Variants in EI24 observed in about 807,000 individuals in gnomAD.
The protein encoded by EI24 is EI24 autophagy associated transmembrane protein, also known as etoposide-induced protein 2.4 homolog.
A neutral mutation model predicts 48.6 loss-of-function variants in EI24; 21 were observed. The ratio of observed to expected loss-of-function variants is 0.43; its 90% CI spans 0.31 to 0.62. EI24 has a LOEUF of 0.62. EI24 is among the 20% of genes least tolerant of loss of function. The probability of loss-of-function intolerance (pLI) is 0.10; values close to 1 mark genes in which losing one functional copy is unlikely to be tolerated. For missense variants in EI24, 280 were observed against 410.5 expected, an observed-to-expected ratio of 0.68 and a Z score of 2.75; for synonymous variants, 114 against 145.5, an observed-to-expected ratio of 0.78 and a Z score of 1.56.
rs1163176809 is a variant in EI24, at chr11:125,570,106, T to C, written c.-71+533T>C. On this transcript the variant is annotated intron_variant, in intron 1 of 10. Transcript: ENST00000278903. ...TTTAATGGCATTTGTATTTCCAGGT[T>C]TGAGAGGTTATTTGTCCATGGGATG... The C allele has an allele frequency of 3.3e-5, 5 of 152,372 alleles. No homozygotes were observed. In the East Asian group the frequency reaches 9.6e-4, roughly 29 times the overall value. 9.4% of individuals were successfully genotyped at this position (152,372 alleles called of 1,614,324 possible).
intron 4 of EI24, 101 bp downstream of exon 4, chr11:125,576,416 CATCTGCTG>C: frequency 9.6e-7 from 1 of 1,044,856 alleles, no homozygotes; most frequent in Non-Finnish European, 1.5e-6. Context: ...AAATAGTTTT[CATCTGCTG>C]ATGTACACTT....
At chr11:125,575,192 A>G (rs902039047) in intron 2 of EI24, 71 bp from the exon 3 acceptor site, 1 of 1,388,226 alleles carries the variant, frequency 7.2e-7, no homozygotes, top group Non-Finnish European at 9.7e-7. Flanking sequence ...GAGTCACTGC[A>G]CTGTAGCTTG....
In EI24 at chr11:125,583,823, T is replaced by G. The variant is rs1939113852; in HGVS notation, c.*140T>G. On this transcript the variant is annotated 3_prime_UTR_variant, in exon 11 of 11. Coordinates refer to ENST00000278903, the MANE Select transcript of EI24 (RefSeq NM_004879.5). ...GCGTATTCCCTTCTCTCTGAGGAAT[T>G]GAAATTTTTGTCTCTGGTGCACGTA... is the stretch of plus-strand genomic sequence containing the variant. The G allele has an allele frequency of 8.2e-7, 1 of 1,218,210 alleles. No individual in the cohort carries two copies. Among genetic ancestry groups the G allele is most frequent in the Non-Finnish European group, 1.1e-6 (1 of 878,608 alleles). The allele number at this position is 1,218,210 out of a possible 1,614,324, so 75.5% of individuals were successfully genotyped here.
rs1177483527 is a variant in EI24 at position 125,584,612 on chromosome 11, G to A, written c.*929G>A. 2 of 152,582 alleles carry A rather than the reference G, an allele frequency of 1.3e-5. No individual in the cohort carries two copies. The highest frequency in any genetic ancestry group is 1.5e-5 in the Non-Finnish European group (1 of 68,040). The allele number at this position is 152,582 out of a possible 1,614,324, so 9.5% of individuals were successfully genotyped here. A position where few individuals can be genotyped will look rare whatever the true frequency, so the allele number is the denominator to read the frequency against. On this transcript the variant is annotated 3_prime_UTR_variant, in exon 11 of 11. Transcript: ENST00000278903. ...TTCCTGTCATTTTGAGAGACTAAAT[G>A]TGGGGGGCAGATGTCAAAATACCTG... is the stretch of plus-strand genomic sequence containing the variant.
Position 125,578,243 on chromosome 11 carries a change from G to T in EI24, c.427G>T (p.Ala143Ser). ...GTTTGTGCTTAGCAAAGTGGTGAAT[G>T]CCATTTGGTTTCAGGTAGGTCCAGG... ...PLFVLSKVVN[A>S]IWFQDIADLA... Residue 143 changes from alanine to serine, a missense_variant, in exon 6 of 11, where the codon GCC becomes TCC. Coordinates refer to ENST00000278903, the MANE Select transcript of EI24 (RefSeq NM_004879.5). 1 of 1,613,958 alleles carries T rather than the reference G, an allele frequency of 6.2e-7. No homozygotes were observed. The highest frequency in any genetic ancestry group is 1.1e-5 in the South Asian group (1 of 91,086).
In EI24 at chr11:125,575,249, A is replaced by G. The variant is rs1164663038; in HGVS notation, c.43-14A>G. On this transcript the variant is annotated splice_polypyrimidine_tract_variant and intron_variant, in intron 2 of 10. Coordinates refer to ENST00000278903, the MANE Select transcript of EI24 (RefSeq NM_004879.5). ...CTCAAATAATAATAATAATAATGAT[A>G]GCCTTTTCTATAGGGAATCAAAGAC... 4 of 1,532,740 alleles carry G rather than the reference A, an allele frequency of 2.6e-6. No homozygotes were observed. Among genetic ancestry groups the G allele is most frequent in the Non-Finnish European group, 3.5e-6 (4 of 1,135,028 alleles). The allele number at this position is 1,532,740 out of a possible 1,614,324, so 94.9% of individuals were successfully genotyped here. A position where few individuals can be genotyped will look rare whatever the true frequency, so the allele number is the denominator to read the frequency against.
intron 1 of EI24, among the ~76,000 whole-genome samples, chr11:125,571,003 C>T (rs1047572535): frequency 1.3e-5 from 2 of 152,120 alleles, no homozygotes; most frequent in Non-Finnish European, 2.9e-5. Context: ...GACTTCTATC[C>T]GAAGTGAGCC....
chr11:125,575,310 T>A lies in EI24; in HGVS notation c.90T>A (p.Asp30Glu), dbSNP rs1938693575. ...IWGICTISKL[D>E]ARIQQKREEQ... ...GTATTTGTACCATCTCAAAGCTAGA[T>A]GCTCGAATCCAGCAAAAGAGAGAGG... The change falls in exon 3 of 11, where the codon GAT becomes GAA. Residue 30 changes from aspartate (D) to glutamate (E), a missense_variant. Asp to Glu is a conservative substitution (Grantham distance 45). Coordinates refer to ENST00000278903, the MANE Select transcript of EI24 (RefSeq NM_004879.5). 5 of 1,559,896 alleles carry A rather than the reference T, an allele frequency of 3.2e-6. No homozygotes were observed. Among genetic ancestry groups the A allele is most frequent in the Non-Finnish European group, 4.3e-6 (5 of 1,151,984 alleles).
chr11:125,580,725 T>A (rs907904931), intron 8 of EI24: 1 of 156,368 alleles, frequency 6.4e-6, no homozygotes, highest in African/African-American at 2.4e-5. Context: ...CTAAGAAACT[T>A]TGCATGCTTT....
At position 125,580,183 on chromosome 11, in the gene EI24, G is replaced by A. The variant is rs1938935854; in HGVS notation, c.652G>A (p.Glu218Lys). ...CCTTCTCTACTCACTGTACTGCTTT[G>A]AATATCGTTGGTTCAATAAAGGTAA... ...MSLLYSLYCF[E>K]YRWFNKGIEM... is the part of the protein sequence containing the mutation. The change falls in exon 8 of 11, where the codon GAA becomes AAA. Residue 218 changes from glutamate (E) to lysine (K), a missense_variant. Glu to Lys is a moderately conservative substitution (Grantham distance 56). This residue lies in a region of EI24 where 204 missense variants were observed against 294.1 expected (regional missense o/e 0.69). Coordinates refer to ENST00000278903, the MANE Select transcript of EI24 (RefSeq NM_004879.5). 3 of 1,613,014 alleles carry A rather than the reference G, an allele frequency of 1.9e-6. No individual in the cohort carries two copies.
intron 4 of EI24, among the ~76,000 whole-genome samples, chr11:125,577,147 A>C (rs1938781502): frequency 1.3e-5 from 2 of 152,132 alleles, no homozygotes. Context: ...GCTGGAGTGC[A>C]GTGGCATGAT....
intron 2 of EI24, 36 bp from the exon 3 acceptor site, chr11:125,575,227 A>AAAT (rs753141659): frequency 7.0e-5 from 104 of 1,491,446 alleles, no homozygotes; most frequent in East Asian, 6.0e-4. Context: ...ACCCTGTCTC[A>AAAT]AATAATAATA....
At position 125,584,011 on chromosome 11, in the gene EI24, T is replaced by C; in HGVS notation, c.*328T>C. The C allele has an allele frequency of 3.7e-6, 1 of 273,098 alleles. No homozygotes were observed. Among genetic ancestry groups the C allele is most frequent in the East Asian group, 1.0e-4 (1 of 9,734 alleles). 16.9% of individuals were successfully genotyped at this position (273,098 alleles called of 1,614,324 possible). A position where few individuals can be genotyped will look rare whatever the true frequency, so the allele number is the denominator to read the frequency against. Reference sequence around the variant, plus strand: ...TCCCTGTGCCATTTACCCTTCCACCTTTCCATCCTGCCTTCTACCACCCTT... The same window carrying C: ...TCCCTGTGCCATTTACCCTTCCACCCTTCCATCCTGCCTTCTACCACCCTT... On this transcript the variant is annotated 3_prime_UTR_variant, in exon 11 of 11. Transcript: ENST00000278903.
At chr11:125,569,791 ACC>A (rs1938464647) in intron 1 of EI24, 3 of 278,338 alleles carry the variant, frequency 1.1e-5, no homozygotes, top group Non-Finnish European at 2.0e-5. Context: ...TCCCTGTGTG[ACC>A]CGGAGCGTGC....
intron 4 of EI24, among the ~76,000 whole-genome samples, chr11:125,577,046 A>G (rs1486571947): frequency 2.6e-5 from 4 of 152,124 alleles, no homozygotes; most frequent in Non-Finnish European, 5.9e-5. Flanking sequence ...ATAGAAATGG[A>G]TCCAGTTTTG....
At chr11:125,577,600 G>T (rs772396766) in intron 5 of EI24, 30 bp downstream of exon 5, 1 of 1,586,176 alleles carries the variant, frequency 6.3e-7, no homozygotes, top group African/African-American at 1.3e-5. Context: ...CTTGTCTGTT[G>T]GGGACAGAGT....
At chr11:125,580,056 G>A (rs1226431267) in intron 7 of EI24, 37 bp from the exon 8 acceptor site, 1 of 1,519,062 alleles carries the variant, frequency 6.6e-7, no homozygotes, top group Non-Finnish European at 9.1e-7. Flanking sequence ...AGGTTTCCGA[G>A]GCTTTGGGAT....
chr11:125,570,288 A>C (rs147645677), intron 1 of EI24: 282 of 152,262 alleles, frequency 1.9e-3, no homozygotes, highest in African/African-American at 6.4e-3. Context: ...GGGTTCTCTC[A>C]CCTGTTAAAT....
intron 6 of EI24, 69 bp downstream of exon 6, chr11:125,578,326 T>A: frequency 1.2e-6 from 2 of 1,604,148 alleles, no homozygotes; most frequent in Non-Finnish European, 1.7e-6. Flanking sequence ...AGTTTCAGCC[T>A]GTGAAGTTAG....
Sources: allele counts gnomAD v4.1 joint callset (sites outside exome capture counted in the v4.1 genomes callset), GRCh38; gene constraint gnomAD v4.1.1; regional missense constraint gnomAD v4.1.1; transcripts MANE v1.5; gene names NCBI Gene and HGNC (gene_info 2026-07-23, HGNC 2026-07-21).